Variants in ACOT11 observed in about 807,000 individuals in gnomAD.
The protein encoded by ACOT11 is acyl-CoA thioesterase 11, also known as acyl-coenzyme A thioesterase 11.
In ACOT11, 69 loss-of-function variants were observed where a neutral mutation model predicts 77.5. The ratio of observed to expected loss-of-function variants is 0.89; its 90% CI spans 0.73 to 1.09. The LOEUF (loss-of-function observed/expected upper bound fraction) is 1.09, where lower values mean the gene tolerates loss of function less well. Ranked by LOEUF, ACOT11 falls within the 50% of genes least tolerant of loss-of-function variation. The pLI, the probability that ACOT11 is intolerant of heterozygous loss-of-function variation, is 0.00. For missense variants in ACOT11, 766 were observed against 813.7 expected (o/e 0.94, Z 0.71); for synonymous variants, 279 against 313.0 (o/e 0.89, Z 1.15).
intron 15 of ACOT11, among the ~76,000 whole-genome samples, chr1:54,608,304 G>A (rs772936557): frequency 3.9e-5 from 6 of 152,216 alleles, no homozygotes; most frequent in Non-Finnish European, 2.9e-5. Context: ...GAAGGCAGAA[G>A]GCCTGGGTTC....
chr1:54,548,704 A>G, intron 1 of ACOT11: 1 of 311,036 alleles, frequency 3.2e-6, no homozygotes, highest in South Asian at 4.3e-5. Flanking sequence ...CTTCATGCTC[A>G]GAGCTCAGGA....
intron 1 of ACOT11, among the ~76,000 whole-genome samples, chr1:54,571,935 C>G (rs1476464613): frequency 6.6e-6 from 1 of 152,016 alleles, no homozygotes; most frequent in Non-Finnish European, 1.5e-5. Context: ...AGGAAGGGCC[C>G]GCAGGACCCT....
At chr1:54,568,832 T>C (rs1190259200) in intron 1 of ACOT11, among the ~76,000 whole-genome samples, 4 of 152,126 alleles carry the variant, frequency 2.6e-5, no homozygotes, top group African/African-American at 9.7e-5. Context: ...ATCGTAACCT[T>C]GAACTCCTGG....
At chr1:54,634,762 A>G (rs1187076300) in exon 17 of ACOT11, 11 of 701,006 alleles carry the variant, frequency 1.6e-5, no homozygotes, top group African/African-American at 5.2e-5. Context: ...CAAGGAAGAG[A>G]CTCTGGGAGG....
chr1:54,602,212 CT>C (rs1331317125), intron 9 of ACOT11, among the ~76,000 whole-genome samples: 2 of 152,248 alleles, frequency 1.3e-5, no homozygotes, highest in Non-Finnish European at 2.9e-5. Flanking sequence ...GCCCTTACCC[CT>C]GTGGCCTTGG....
intron 1 of ACOT11, among the ~76,000 whole-genome samples, chr1:54,550,168 G>C (rs1278878558): frequency 6.6e-6 from 1 of 152,212 alleles, no homozygotes; most frequent in African/African-American, 2.4e-5. Flanking sequence ...CAGAGTCTGA[G>C]CTCTTAAGGA....
chr1:54,548,922 G>C (rs3753014), intron 1 of ACOT11, among the ~76,000 whole-genome samples: 19,707 of 152,168 alleles, frequency 0.13, 1,330 homozygotes, highest in Middle Eastern at 0.17. Flanking sequence ...ATTAGTTGCT[G>C]AGGCACACGG....
intron 1 of ACOT11, 124 bp downstream of exon 1, chr1:54,548,466 G>A: frequency 7.9e-7 from 1 of 1,261,558 alleles, no homozygotes; most frequent in Non-Finnish European, 1.1e-6. Context: ...CCATTTTCTA[G>A]CTCTCTTTGG....
intron 16 of ACOT11, among the ~76,000 whole-genome samples, chr1:54,633,030 G>A (rs571642989): frequency 6.6e-6 from 1 of 152,278 alleles, no homozygotes; most frequent in Admixed American, 6.5e-5. Context: ...AATGGGGTAT[G>A]TCCCTGGTAT....
At chr1:54,583,969 A>T (rs1654409841) in intron 1 of ACOT11, among the ~76,000 whole-genome samples, 1 of 152,008 alleles carries the variant, frequency 6.6e-6, no homozygotes, top group African/African-American at 2.4e-5. Context: ...GGAGAGTAAG[A>T]CATGCTGGTT....
chr1:54,587,851 C>T (rs1569719969), intron 3 of ACOT11, among the ~76,000 whole-genome samples: 1 of 151,870 alleles, frequency 6.6e-6, no homozygotes, highest in Admixed American at 6.6e-5. Context: ...CGTGAGCCAC[C>T]CTGCCCAGCT....
At position 54,607,256 on chromosome 1, in the gene ACOT11, G is replaced by A; in HGVS notation, c.1493G>A (p.Cys498Tyr). The A allele has an allele frequency of 1.2e-6, 2 of 1,614,130 alleles. No individual in the cohort carries two copies. The highest frequency in any genetic ancestry group is 1.7e-6 in the Non-Finnish European group (2 of 1,180,004). Reference sequence around the variant, plus strand: ...ATCCTGGCCTCGAGGCGGAAGCCTTGTGACAATGGGTGTGTGCCTATCTGC... The same window carrying A: ...ATCCTGGCCTCGAGGCGGAAGCCTTATGACAATGGGTGTGTGCCTATCTGC... ...FVILASRRKP[C>Y]DNGDPYVIAL... Residue 498 changes from cysteine to tyrosine, a missense_variant, in exon 14 of 16, where the codon TGT becomes TAT. Physicochemically the swap from Cys to Tyr is radical, Grantham distance 194. Coordinates refer to ENST00000343744, the MANE Select transcript of ACOT11 (RefSeq NM_147161.4). This position sits in a 1 kb window ranked among gnomAD's most constrained non-coding sequence, Gnocchi z 4.5.
intron 1 of ACOT11, among the ~76,000 whole-genome samples, chr1:54,566,623 C>T (rs574942026): frequency 1.3e-5 from 2 of 152,248 alleles, no homozygotes; most frequent in South Asian, 4.2e-4. Context: ...GGAATTCTGG[C>T]AGGGCTGGGC....
Position 54,593,718 on chromosome 1 carries a change from CTG to C in ACOT11, c.373-222_373-221del, listed in dbSNP as rs1437323775. On this transcript the variant is annotated intron_variant, in intron 4 of 15. Transcript: ENST00000343744. ...CACTCCCACTTTGTAGATGAGGAAACTGAGACCCAGAGAAGGGAAGTGACTTG... is the reference window on the plus strand; with the variant it reads ...CACTCCCACTTTGTAGATGAGGAAACAGACCCAGAGAAGGGAAGTGACTTG... 2.0e-5 allele frequency among the ~76,000 whole-genome samples: 3 copies of C among 152,166 alleles called. No individual in the cohort carries two copies. In the East Asian group the frequency reaches 5.8e-4, roughly 29 times the overall value.
chr1:54,560,230 C>A (rs1653417850), intron 1 of ACOT11, among the ~76,000 whole-genome samples: 1 of 152,184 alleles, frequency 6.6e-6, no homozygotes, highest in South Asian at 2.1e-4. Flanking sequence ...CAGAGGGAAG[C>A]ACCAAGATAG....
At chr1:54,567,304 A>G (rs1445628901) in intron 1 of ACOT11, among the ~76,000 whole-genome samples, 4 of 142,026 alleles carry the variant, frequency 2.8e-5, no homozygotes, top group African/African-American at 1.0e-4. Context: ...TTTGAGATGC[A>G]GTCTCACTCT....
chr1:54,549,098 T>A (rs1017521010), intron 1 of ACOT11, among the ~76,000 whole-genome samples: 17 of 152,018 alleles, frequency 1.1e-4, no homozygotes, highest in African/African-American at 4.1e-4. Context: ...TTATCTATCC[T>A]CTCCCTCCAT....
In ACOT11 at chr1:54,619,909, A is replaced by T; in HGVS notation, c.1630-10825A>T. 4 of 1,614,134 alleles carry T rather than the reference A, an allele frequency of 2.5e-6. No homozygotes were observed. Among genetic ancestry groups the T allele is most frequent in the Non-Finnish European group, 3.4e-6 (4 of 1,180,028 alleles). ...GCTTTCTTGCTGTTGGCTGCGTGGT[A>T]CCAGGTGACCTCCAAGGCATCTCGC... On this transcript the variant is annotated intron_variant, in intron 15 of 16. Coordinates refer to the ACOT11 transcript ENST00000371316.
chr1:54,564,477 G>A (rs1222248408), intron 1 of ACOT11, among the ~76,000 whole-genome samples: 1 of 152,072 alleles, frequency 6.6e-6, no homozygotes, highest in Non-Finnish European at 1.5e-5. Flanking sequence ...CTGCCCTGGG[G>A]CGTGGCCCTG....
Sources: allele counts gnomAD v4.1 joint callset (sites outside exome capture counted in the v4.1 genomes callset), GRCh38; gene constraint gnomAD v4.1.1; non-coding constraint Gnocchi (gnomAD v3.1); transcripts MANE v1.5; gene names NCBI Gene and HGNC (gene_info 2026-07-23, HGNC 2026-07-21).